The following CACNA2D2 variants were observed in gnomAD, a reference collection of about 807,000 sequenced individuals.
CACNA2D2 encodes voltage-dependent calcium channel subunit alpha-2/delta-2.
A neutral mutation model predicts 166.4 loss-of-function variants in CACNA2D2; 48 were observed. The observed-to-expected ratio is 0.29, with a 90% CI of 0.23 to 0.37. The LOEUF (loss-of-function observed/expected upper bound fraction) is 0.37, where lower values mean the gene tolerates loss of function less well. CACNA2D2 is among the 10% of genes least tolerant of loss of function. The pLI, the probability that CACNA2D2 is intolerant of heterozygous loss-of-function variation, is 1.00. For missense variants in CACNA2D2, 1,122 were observed against 1,433.0 expected (o/e 0.78, Z 3.50); for synonymous variants, 561 against 573.7 (o/e 0.98, Z 0.32).
chr3:50,396,274 C>A (rs556947200), intron 3 of CACNA2D2, among the ~76,000 whole-genome samples: 1 of 152,280 alleles, frequency 6.6e-6, no homozygotes, highest in Admixed American at 6.5e-5. Flanking sequence ...CTCCTGTGCA[C>A]CCCCAGCTCA....
chr3:50,423,616 G>A (rs1183464618), intron 3 of CACNA2D2, among the ~76,000 whole-genome samples: 1 of 152,268 alleles, frequency 6.6e-6, no homozygotes, highest in African/African-American at 2.4e-5. Flanking sequence ...GGAGGCTGAA[G>A]GATGGGGCGT....
chr3:50,449,506 G>A (rs1709007963), intron 2 of CACNA2D2, among the ~76,000 whole-genome samples: 1 of 152,168 alleles, frequency 6.6e-6, no homozygotes, highest in South Asian at 2.1e-4. Context: ...ATTCCTCAGG[G>A]GTAGTGGTTG....
chr3:50,465,859 C>T (rs935923790), intron 2 of CACNA2D2, among the ~76,000 whole-genome samples: 7 of 152,122 alleles, frequency 4.6e-5, no homozygotes, highest in Non-Finnish European at 8.8e-5. Flanking sequence ...CCAAAGGAAC[C>T]AAGACAGGTC....
intron 2 of CACNA2D2, among the ~76,000 whole-genome samples, chr3:50,450,720 C>T (rs1278381567): frequency 1.3e-5 from 2 of 152,132 alleles, no homozygotes; most frequent in Admixed American, 6.5e-5. Context: ...TTGTAAAAGG[C>T]AGGCCTGCTG....
At chr3:50,442,960 C>T (rs1284034159) in intron 2 of CACNA2D2, among the ~76,000 whole-genome samples, 1 of 152,130 alleles carries the variant, frequency 6.6e-6, no homozygotes, top group East Asian at 1.9e-4. Context: ...ACTCTCAGGG[C>T]CCCCATCCTC....
chr3:50,472,332 G>C (rs568639633), intron 2 of CACNA2D2, among the ~76,000 whole-genome samples: 2 of 152,354 alleles, frequency 1.3e-5, no homozygotes, highest in African/African-American at 4.8e-5. Flanking sequence ...CAGCGCGCAA[G>C]CTATGAGTGG....
intron 1 of CACNA2D2, among the ~76,000 whole-genome samples, chr3:50,500,383 G>A (rs1226333073): frequency 6.6e-6 from 1 of 152,146 alleles, no homozygotes; most frequent in Non-Finnish European, 1.5e-5. Flanking sequence ...CACAGAGGAG[G>A]GGACAGAGAA....
chr3:50,418,581 T>C (rs998318503), intron 3 of CACNA2D2, among the ~76,000 whole-genome samples: 1 of 152,208 alleles, frequency 6.6e-6, no homozygotes, highest in Non-Finnish European at 1.5e-5. Context: ...AAGCAGGGCA[T>C]GTGCAGGAAG....
intron 1 of CACNA2D2, among the ~76,000 whole-genome samples, chr3:50,493,897 A>G (rs1345160174): frequency 6.6e-6 from 1 of 152,216 alleles, no homozygotes; most frequent in African/African-American, 2.4e-5. Context: ...GTGAGCAGTG[A>G]GCGAAAGCCA....
rs1392362073 is a variant in CACNA2D2, at chr3:50,377,783, T to C, written c.1500A>G (p.Thr500=). The C allele has an allele frequency of 1.2e-6, 2 of 1,613,332 alleles. No individual in the cohort carries two copies. Among genetic ancestry groups the C allele is most frequent in the East Asian group, 4.5e-5 (2 of 44,884 alleles). Residue 500 remains threonine, a synonymous_variant, in exon 16 of 38, where the codon ACA becomes ACG. Transcript: ENST00000424201. ...EDALGLGLVV[T]GTLPVFNLTQ... ...TCAGGTTGAAAACAGGGAGGGTCCC[T>C]GTTACCACCAACCCCAGTCCCTGAA...
chr3:50,486,614 C>T (rs1698292803), intron 1 of CACNA2D2, among the ~76,000 whole-genome samples: 1 of 152,150 alleles, frequency 6.6e-6, no homozygotes, highest in Admixed American at 6.5e-5. Context: ...TCAGGGCCAG[C>T]TTTGTTCTCT....
At chr3:50,408,375 G>A (rs893390761) in intron 3 of CACNA2D2, among the ~76,000 whole-genome samples, 9 of 152,232 alleles carry the variant, frequency 5.9e-5, no homozygotes, top group Non-Finnish European at 1.2e-4. Context: ...GCTCCACCTT[G>A]TCGCTGCCCA....
chr3:50,435,460 G>A (rs889310512), intron 2 of CACNA2D2, among the ~76,000 whole-genome samples: 1 of 151,918 alleles, frequency 6.6e-6, no homozygotes, highest in African/African-American at 2.4e-5. Context: ...AGGCTGCCAC[G>A]ACTGAGCCGT....
intron 2 of CACNA2D2, among the ~76,000 whole-genome samples, chr3:50,463,305 CTT>C (rs1385188648): frequency 1.3e-4 from 19 of 145,656 alleles, no homozygotes; most frequent in Non-Finnish European, 1.2e-4. Flanking sequence ...CCAAATTTCT[CTT>C]TTTTTTTTTT....
At chr3:50,483,839 G>A (rs1421232896) in intron 1 of CACNA2D2, among the ~76,000 whole-genome samples, 1 of 152,174 alleles carries the variant, frequency 6.6e-6, no homozygotes, top group African/African-American at 2.4e-5. Flanking sequence ...TGACAGGCCA[G>A]GGATCTCACT....
At position 50,387,656 on chromosome 3, in the gene CACNA2D2, C is replaced by T. The variant is rs187945409; in HGVS notation, c.466-44G>A. On this transcript the variant is annotated intron_variant, in intron 4 of 37. Transcript: ENST00000424201. ...CCTCAGCACTAGCTGCTCAGGGTCCCGAGACAGACAGGACTCCTAGCCCCA... is the reference window on the plus strand; with the variant it reads ...CCTCAGCACTAGCTGCTCAGGGTCCTGAGACAGACAGGACTCCTAGCCCCA... The T allele has an allele frequency of 5.9e-4, 890 of 1,516,096 alleles. 4 individuals carry two copies. The African/African-American group carries it at 1.0e-2, about 17-fold the overall frequency. The allele number at this position is 1,516,096 out of a possible 1,614,324, so 93.9% of individuals were successfully genotyped here. A position where few individuals can be genotyped will look rare whatever the true frequency, so the allele number is the denominator to read the frequency against.
At chr3:50,498,599 C>A (rs539397425) in intron 1 of CACNA2D2, among the ~76,000 whole-genome samples, 10 of 152,170 alleles carry the variant, frequency 6.6e-5, no homozygotes, top group Admixed American at 1.3e-4. Flanking sequence ...CCTGTGTATA[C>A]GTGGGAGGTA....
intron 4 of CACNA2D2, among the ~76,000 whole-genome samples, chr3:50,393,546 C>T (rs1705987853): frequency 6.6e-6 from 1 of 152,228 alleles, no homozygotes; most frequent in Admixed American, 6.5e-5. Flanking sequence ...ACACTAGATC[C>T]TCTGCGCTCA....
chr3:50,493,650 G>A (rs139601481), intron 1 of CACNA2D2, among the ~76,000 whole-genome samples: 1 of 152,340 alleles, frequency 6.6e-6, no homozygotes, highest in East Asian at 1.9e-4. Flanking sequence ...CACATGATAA[G>A]CACAGAAGCA....
Sources: gnomAD v4.1 joint callset for allele counts (sites outside exome capture counted in the v4.1 genomes callset) on GRCh38, gnomAD v4.1.1 for gene constraint, MANE v1.5 for transcripts, NCBI Gene and HGNC (gene_info 2026-07-23, HGNC 2026-07-21) for gene names.